The following NELL1 variants were observed in gnomAD, a reference collection of about 807,000 sequenced individuals.
The protein encoded by NELL1 is protein kinase C-binding protein NELL1.
In NELL1, 76 loss-of-function variants were observed where a neutral mutation model predicts 107.4. The observed-to-expected ratio is 0.71, with a 90% CI of 0.59 to 0.86. The LOEUF is 0.86. Among genes scored for constraint, NELL1 ranks in the 40% least tolerant of loss-of-function variants. The pLI is 0.00. For synonymous variants in NELL1, 353 were observed against 341.2 expected (o/e 1.03, Z -0.38); for missense variants, 1,024 against 1,005.5 (o/e 1.02, Z -0.25).
chr11:21,485,465 G>A (rs932527715), intron 15 of NELL1, among the ~76,000 whole-genome samples: 7 of 151,314 alleles, frequency 4.6e-5, no homozygotes, highest in African/African-American at 1.7e-4. Context: ...TTAGAGGACT[G>A]TGTCCTCCAC....
chr11:20,724,248 T>TC (rs1855459550), intron 2 of NELL1, among the ~76,000 whole-genome samples: 1 of 152,272 alleles, frequency 6.6e-6, no homozygotes, highest in Non-Finnish European at 1.5e-5. Flanking sequence ...TATGCAAATT[T>TC]CTGCAGCCAG....
chr11:20,894,994 G>C (rs181940842), intron 5 of NELL1, among the ~76,000 whole-genome samples: 1 of 143,440 alleles, frequency 7.0e-6, no homozygotes, highest in East Asian at 1.9e-4. Context: ...CCCTCTGGCC[G>C]GGCGCGGTGG....
chr11:20,874,899 C>T (rs1849273810), intron 4 of NELL1, among the ~76,000 whole-genome samples: 1 of 152,216 alleles, frequency 6.6e-6, no homozygotes, highest in East Asian at 1.9e-4. Context: ...ATTATGGCCT[C>T]CCTAATCTTT....
At chr11:21,393,242 A>G (rs187214911) in intron 15 of NELL1, among the ~76,000 whole-genome samples, 2 of 151,856 alleles carry the variant, frequency 1.3e-5, no homozygotes, top group East Asian at 3.9e-4. Context: ...AGAGAATTCA[A>G]CAAGTTAATT....
chr11:20,677,086 T>G (rs1854077382), intron 1 of NELL1, among the ~76,000 whole-genome samples: 1 of 152,222 alleles, frequency 6.6e-6, no homozygotes. Context: ...CGGCTGTATT[T>G]CTCTGCATTA....
At chr11:21,357,626 C>A (rs879633284) in intron 14 of NELL1, among the ~76,000 whole-genome samples, 1 of 152,136 alleles carries the variant, frequency 6.6e-6, no homozygotes, top group Non-Finnish European at 1.5e-5. Context: ...ATTTCTTTTG[C>A]TGTGCAGAAG....
chr11:21,273,931 C>G (rs1590793263), intron 14 of NELL1, among the ~76,000 whole-genome samples: 1 of 152,304 alleles, frequency 6.6e-6, no homozygotes, highest in African/African-American at 2.4e-5. Flanking sequence ...ACAACCAGTA[C>G]CAGCCACTGC....
chr11:20,897,413 C>T (rs1198049030), intron 5 of NELL1, among the ~76,000 whole-genome samples: 1 of 152,048 alleles, frequency 6.6e-6, no homozygotes, highest in African/African-American at 2.4e-5. Flanking sequence ...AAAATTAATT[C>T]AAGATGGATT....
At chr11:20,777,458 GT>G (rs1034424241) in intron 2 of NELL1, among the ~76,000 whole-genome samples, 2 of 152,276 alleles carry the variant, frequency 1.3e-5, no homozygotes, top group African/African-American at 4.8e-5. Context: ...AGTGACTTCT[GT>G]TTTTTTGAAA....
At chr11:21,206,093 A>G (rs12271340) in intron 13 of NELL1, among the ~76,000 whole-genome samples, 19 of 152,286 alleles carry the variant, frequency 1.2e-4, no homozygotes, top group Non-Finnish European at 2.6e-4. Context: ...AAATTGTCAT[A>G]CACTCCATGG....
chr11:21,092,050 G>A (rs980215533), intron 12 of NELL1, among the ~76,000 whole-genome samples: 1 of 152,178 alleles, frequency 6.6e-6, no homozygotes, highest in South Asian at 2.1e-4. Flanking sequence ...GGAAGGAACA[G>A]GATGAGAAAT....
chr11:21,326,049 G>GTTTTT lies in NELL1; in HGVS notation c.1550-44776_1550-44772dup, dbSNP rs35690119. 3.9e-3 allele frequency among the ~76,000 whole-genome samples: 144 copies of GTTTTT among 37,186 alleles called. 17 individuals carry two copies. Among genetic ancestry groups the GTTTTT allele is most frequent in the East Asian group, 0.013 (13 of 970 alleles). 24.4% of individuals were successfully genotyped at this position (37,186 alleles called of 152,430 possible). On this transcript the variant is annotated intron_variant, in intron 14 of 19. Transcript: ENST00000357134. ...ACCACGGATATTTGTGTTAATCCTAGTTTTTTTTTTTTTTTTTTTTTTTTT... is the reference window on the plus strand; with the variant it reads ...ACCACGGATATTTGTGTTAATCCTAGTTTTTTTTTTTTTTTTTTTTTTTTTTTTTT...
At chr11:20,817,972 G>A (rs933806686) in intron 3 of NELL1, among the ~76,000 whole-genome samples, 8 of 151,934 alleles carry the variant, frequency 5.3e-5, no homozygotes, top group African/African-American at 1.7e-4. Context: ...ACTGTGGTCC[G>A]AGAGTATCAT....
intron 12 of NELL1, among the ~76,000 whole-genome samples, chr11:21,074,725 A>T (rs1057256296): frequency 1.3e-5 from 2 of 152,146 alleles, no homozygotes; most frequent in Non-Finnish European, 2.9e-5. Context: ...TATACCACAA[A>T]GTTCATCCAT....
chr11:20,761,699 A>C (rs1014565457), intron 2 of NELL1, among the ~76,000 whole-genome samples: 2 of 152,180 alleles, frequency 1.3e-5, no homozygotes, highest in African/African-American at 4.8e-5. Context: ...CATATTTTGA[A>C]ACAAACTCTG....
intron 14 of NELL1, among the ~76,000 whole-genome samples, chr11:21,352,046 A>G (rs780602668): frequency 2.4e-4 from 37 of 152,070 alleles, no homozygotes; most frequent in Non-Finnish European, 4.4e-4. Flanking sequence ...ATGGTCCTCC[A>G]TGAAGCCTTT....
At chr11:21,297,555 A>T (rs1849400421) in intron 14 of NELL1, among the ~76,000 whole-genome samples, 1 of 152,034 alleles carries the variant, frequency 6.6e-6, no homozygotes, top group South Asian at 2.1e-4. Context: ...ACCAGCAGCA[A>T]GATCTGTGTA....
At chr11:21,339,668 T>C (rs995897224) in intron 14 of NELL1, among the ~76,000 whole-genome samples, 6 of 152,202 alleles carry the variant, frequency 3.9e-5, no homozygotes, top group African/African-American at 1.2e-4. Flanking sequence ...TTGCTCTGTT[T>C]CCTGGCTGGA....
chr11:20,853,721 A>G (rs1024972653), intron 4 of NELL1, among the ~76,000 whole-genome samples: 1 of 152,214 alleles, frequency 6.6e-6, no homozygotes, highest in Non-Finnish European at 1.5e-5. Context: ...TGGATTCAGG[A>G]CATAATGTGT....
Sources: allele counts gnomAD v4.1 joint callset (sites outside exome capture counted in the v4.1 genomes callset), GRCh38; gene constraint gnomAD v4.1.1; transcripts MANE v1.5; gene names NCBI Gene and HGNC (gene_info 2026-07-23, HGNC 2026-07-21).